CACNA2D3: variants seen among roughly 807,000 people sequenced by gnomAD.
CACNA2D3 encodes voltage-dependent calcium channel subunit alpha-2/delta-3.
A neutral mutation model predicts 160.6 loss-of-function variants in CACNA2D3; 60 were observed. The ratio of observed to expected loss-of-function variants is 0.37; its 90% CI spans 0.30 to 0.46. The LOEUF (loss-of-function observed/expected upper bound fraction) is 0.46. CACNA2D3 is among the 20% of genes least tolerant of loss of function. The pLI is 1.00. For synonymous variants in CACNA2D3, 558 were observed against 492.9 expected, an observed-to-expected ratio of 1.13 and a Z score of -1.75; for missense variants, 1,205 against 1,365.0, an observed-to-expected ratio of 0.88 and a Z score of 1.85.
chr3:54,526,312 G>T (rs1351207052), intron 5 of CACNA2D3, among the ~76,000 whole-genome samples: 1 of 152,118 alleles, frequency 6.6e-6, no homozygotes, highest in Non-Finnish European at 1.5e-5. Flanking sequence ...ATTAAACAAA[G>T]AACAATTTCT....
intron 25 of CACNA2D3, 36 bp from the exon 26 acceptor site, chr3:54,896,713 G>A: frequency 6.2e-7 from 1 of 1,613,878 alleles, no homozygotes; most frequent in Non-Finnish European, 8.5e-7. Context: ...ACTCTGCTGA[G>A]TGATGCATGT....
At chr3:54,420,327 C>T (rs1319857485) in intron 4 of CACNA2D3, among the ~76,000 whole-genome samples, 1 of 152,186 alleles carries the variant, frequency 6.6e-6, no homozygotes, top group African/African-American at 2.4e-5. Context: ...TCGTGATCCA[C>T]CCACCTTGGC....
intron 2 of CACNA2D3, among the ~76,000 whole-genome samples, chr3:54,230,865 T>C (rs903896976): frequency 6.6e-6 from 1 of 152,218 alleles, no homozygotes; most frequent in African/African-American, 2.4e-5. Context: ...TGCTGCTTAA[T>C]AGGACAAAAT....
At chr3:54,685,353 C>A (rs1440805264) in intron 11 of CACNA2D3, among the ~76,000 whole-genome samples, 1 of 152,224 alleles carries the variant, frequency 6.6e-6, no homozygotes, top group Non-Finnish European at 1.5e-5. Context: ...GCTACTGTAG[C>A]ATTAAAGCAG....
At chr3:54,905,482 G>T (rs1700431977) in intron 27 of CACNA2D3, among the ~76,000 whole-genome samples, 2 of 152,182 alleles carry the variant, frequency 1.3e-5, no homozygotes, top group African/African-American at 4.8e-5. Flanking sequence ...TGGTATGTAG[G>T]AGTTAACTAG....
At chr3:54,777,392 T>C (rs570187654) in intron 13 of CACNA2D3, among the ~76,000 whole-genome samples, 10 of 152,328 alleles carry the variant, frequency 6.6e-5, no homozygotes, top group African/African-American at 2.4e-4. Context: ...CATGCTCTTA[T>C]TAGACGTACA....
chr3:54,975,541 A>AAAC lies in CACNA2D3; in HGVS notation c.2556+5699_2556+5700insCAA, dbSNP rs1559452465. On this transcript the variant is annotated intron_variant, in intron 29 of 37. Coordinates refer to ENST00000474759, the MANE Select transcript of CACNA2D3 (RefSeq NM_018398.3). ...GTCTCCAAAAAAAAAAAAAAAAAAA[A>AAAC]AAAAAACAACGTGGCCCCCTTTGGT... 2.9e-5 allele frequency among the ~76,000 whole-genome samples: 4 copies of AAAC among 139,672 alleles called. 1 individual carries two copies. Among genetic ancestry groups the AAAC allele is most frequent in the Admixed American group, 7.3e-5 (1 of 13,778 alleles). 91.6% of individuals were successfully genotyped at this position (139,672 alleles called of 152,430 possible).
intron 5 of CACNA2D3, among the ~76,000 whole-genome samples, chr3:54,534,582 C>A (rs1173014278): frequency 6.6e-6 from 1 of 151,648 alleles, no homozygotes; most frequent in Non-Finnish European, 1.5e-5. Flanking sequence ...TTAAATGCTA[C>A]ATCCTCAGAA....
At chr3:54,594,352 A>G (rs1702914762) in intron 9 of CACNA2D3, among the ~76,000 whole-genome samples, 1 of 152,208 alleles carries the variant, frequency 6.6e-6, no homozygotes, top group African/African-American at 2.4e-5. Context: ...GGTGGCAGGC[A>G]AAATATGGCC....
intron 17 of CACNA2D3, among the ~76,000 whole-genome samples, chr3:54,863,058 A>G (rs531925603): frequency 6.6e-6 from 1 of 152,344 alleles, no homozygotes; most frequent in East Asian, 1.9e-4. Flanking sequence ...CATACTTTCA[A>G]ATTATAGAGG....
intron 31 of CACNA2D3, among the ~76,000 whole-genome samples, chr3:54,989,096 C>G (rs1702681662): frequency 6.6e-6 from 1 of 152,218 alleles, no homozygotes; most frequent in Non-Finnish European, 1.5e-5. Flanking sequence ...ACTGACTTTT[C>G]CTATCTTTAT....
intron 34 of CACNA2D3, among the ~76,000 whole-genome samples, chr3:55,011,284 C>T (rs1160010824): frequency 6.6e-6 from 1 of 152,210 alleles, no homozygotes; most frequent in African/African-American, 2.4e-5. Flanking sequence ...GCACATTGGT[C>T]TGGTGACCCC....
chr3:54,324,179 A>G (rs1042470011), intron 3 of CACNA2D3, among the ~76,000 whole-genome samples: 2 of 152,128 alleles, frequency 1.3e-5, no homozygotes, highest in South Asian at 2.1e-4. Flanking sequence ...CTGTTAAACA[A>G]TGTTGATCTT....
At chr3:54,749,274 T>C (rs1346454578) in intron 11 of CACNA2D3, among the ~76,000 whole-genome samples, 2 of 152,218 alleles carry the variant, frequency 1.3e-5, no homozygotes, top group African/African-American at 4.8e-5. Context: ...AGGACATAGC[T>C]GCTGGGTAGC....
At chr3:54,511,791 G>A (rs955393659) in intron 5 of CACNA2D3, among the ~76,000 whole-genome samples, 3 of 152,168 alleles carry the variant, frequency 2.0e-5, no homozygotes, top group Non-Finnish European at 2.9e-5. Flanking sequence ...AGTAATAGTA[G>A]GGAGCTGGAG....
chr3:54,541,278 G>GAAAAAAAAAA (rs141900915), intron 5 of CACNA2D3, among the ~76,000 whole-genome samples: 60 of 81,702 alleles, frequency 7.3e-4, no homozygotes, highest in African/African-American at 1.7e-3. Flanking sequence ...CTCCGTCTCA[G>GAAAAAAAAAA]AAAAAAAAAA....
At chr3:54,507,388 C>T (rs1448839933) in intron 5 of CACNA2D3, among the ~76,000 whole-genome samples, 2 of 152,164 alleles carry the variant, frequency 1.3e-5, no homozygotes, top group Non-Finnish European at 2.9e-5. Flanking sequence ...TTGCTCTGTT[C>T]TGTGAATGCA....
intron 32 of CACNA2D3, 146 bp downstream of exon 32, chr3:55,004,984 A>C (rs1009727660): frequency 1.1e-5 from 7 of 622,470 alleles, no homozygotes; most frequent in Non-Finnish European, 1.7e-5. Flanking sequence ...AAAAAAAAAA[A>C]AACACTTCAG....
intron 11 of CACNA2D3, among the ~76,000 whole-genome samples, chr3:54,739,339 G>T (rs1349681795): frequency 1.4e-5 from 2 of 147,762 alleles, no homozygotes; most frequent in African/African-American, 5.0e-5. Flanking sequence ...AGAATTGCCT[G>T]AACCTGGGAG....
Sources: allele counts gnomAD v4.1 joint callset (sites outside exome capture counted in the v4.1 genomes callset), GRCh38; gene constraint gnomAD v4.1.1; transcripts MANE v1.5; gene names NCBI Gene and HGNC (gene_info 2026-07-23, HGNC 2026-07-21).